Variants in SEPTIN10 observed in about 807,000 individuals in gnomAD.
The protein encoded by SEPTIN10 is septin-10.
SEPTIN10 carries 66 observed loss-of-function variants against 54.8 expected under a neutral mutation model. The observed-to-expected ratio is 1.21, with a 90% CI of 0.99 to 1.48. SEPTIN10 has a LOEUF of 1.48. SEPTIN10 is among the 40% of genes most tolerant of loss of function. SEPTIN10 has a pLI of 0.00. For synonymous variants in SEPTIN10, 161 were observed against 181.0 expected (o/e 0.89, Z 0.89); for missense variants, 620 against 545.6 (o/e 1.14, Z -1.36).
chr2:109,548,000 T>C (rs1362343039), intron 9 of SEPTIN10, among the ~76,000 whole-genome samples: 1 of 152,150 alleles, frequency 6.6e-6, no homozygotes, highest in East Asian at 1.9e-4. Context: ...TATGTCTTTT[T>C]CATTTTTATA....
rs540828228 is a variant in SEPTIN10 at position 109,581,057 on chromosome 2, G to A, written c.413+4069C>T. 2.2e-4 allele frequency among the ~76,000 whole-genome samples: 33 copies of A among 152,380 alleles called. No homozygotes were observed. In the South Asian group the frequency reaches 6.6e-3, roughly 31 times the overall value. On this transcript the variant is annotated intron_variant, in intron 4 of 10. Coordinates refer to ENST00000397712, the MANE Select transcript of SEPTIN10 (RefSeq NM_144710.5). ...ATATGCAGGACAGCAAAATACCCAT[G>A]ACTACGGCCATTTCCTATATTAGAG...
At chr2:109,570,123 G>A (rs1448902691) in intron 5 of SEPTIN10, among the ~76,000 whole-genome samples, 1 of 152,124 alleles carries the variant, frequency 6.6e-6, no homozygotes, top group African/African-American at 2.4e-5. Context: ...AAAGCTTAGG[G>A]GTTAACTTCC....
At chr2:109,545,902 C>T in intron 10 of SEPTIN10, 148 bp downstream of exon 10, 1 of 1,443,982 alleles carries the variant, frequency 6.9e-7, no homozygotes, top group Non-Finnish European at 9.2e-7. Context: ...ACAAGAGGGA[C>T]AAGGTCTCTC....
chr2:109,601,827 C>T (rs375465394), intron 1 of SEPTIN10, among the ~76,000 whole-genome samples: 8 of 151,130 alleles, frequency 5.3e-5, no homozygotes, highest in African/African-American at 1.2e-4. Flanking sequence ...TTTTCTAATA[C>T]TCTACAAGTT....
chr2:109,607,590 A>G (rs745496565), intron 1 of SEPTIN10, among the ~76,000 whole-genome samples: 10 of 152,186 alleles, frequency 6.6e-5, no homozygotes, highest in Non-Finnish European at 1.2e-4. Flanking sequence ...GGAGAACTTA[A>G]TTACCTGGGC....
At position 109,558,965 on chromosome 2, in the gene SEPTIN10, AGC is replaced by A. The variant is rs796851214; in HGVS notation, c.1028+5399_1028+5400del. ...CAGTGGTGCGATCTCAGCTCACTGC[AGC>A]CTCCACCTCCTGGGTTCAAGCAATT... On this transcript the variant is annotated intron_variant, in intron 8 of 10. Transcript: ENST00000397712. 4.0e-5 allele frequency among the ~76,000 whole-genome samples: 6 copies of A among 151,782 alleles called. 1 individual carries two copies. The highest frequency in any genetic ancestry group is 1.5e-4 in the African/African-American group (6 of 41,362).
chr2:109,601,114 G>T (rs1053077255), intron 1 of SEPTIN10, among the ~76,000 whole-genome samples: 1 of 152,120 alleles, frequency 6.6e-6, no homozygotes, highest in Non-Finnish European at 1.5e-5. Context: ...TACAGGCATG[G>T]TTGATTAACC....
At chr2:109,564,251 A>G (rs909235253) in intron 8 of SEPTIN10, 115 bp downstream of exon 8, 2 of 937,408 alleles carry the variant, frequency 2.1e-6, no homozygotes, top group Middle Eastern at 3.8e-4. Context: ...AAATGATTCT[A>G]TATCATGGTT....
At position 109,582,885 on chromosome 2, in the gene SEPTIN10, G is replaced by A. The variant is rs759923661; in HGVS notation, c.413+2241C>T. ...TAGAAATAAAGCCGCACACCTACAG[G>A]CATCTGATCTTCAACAAAGCTGACA... On this transcript the variant is annotated intron_variant, in intron 4 of 10. Coordinates refer to ENST00000397712, the MANE Select transcript of SEPTIN10 (RefSeq NM_144710.5). Among the ~76,000 whole-genome samples, 3 of 152,184 alleles carry A rather than the reference G, an allele frequency of 2.0e-5. No homozygotes were observed. In the South Asian group the frequency reaches 6.2e-4, roughly 32 times the overall value.
At chr2:109,575,279 A>G (rs931580280) in intron 4 of SEPTIN10, among the ~76,000 whole-genome samples, 2 of 152,246 alleles carry the variant, frequency 1.3e-5, no homozygotes, top group African/African-American at 4.8e-5. Context: ...TAACTAACTG[A>G]GAAAATGCAT....
At chr2:109,552,335 C>A (rs1470023854) in intron 9 of SEPTIN10, among the ~76,000 whole-genome samples, 1 of 152,180 alleles carries the variant, frequency 6.6e-6, no homozygotes, top group Non-Finnish European at 1.5e-5. Context: ...ACAGCCTTCA[C>A]AGATATCCAT....
At chr2:109,601,725 TTAAATA>T (rs1426266227) in intron 1 of SEPTIN10, among the ~76,000 whole-genome samples, 2 of 151,960 alleles carry the variant, frequency 1.3e-5, no homozygotes. Context: ...GGCTTCTTCC[TTAAATA>T]TAAAGCTCAA....
chr2:109,553,045 T>A (rs1683384643), intron 9 of SEPTIN10, 42 bp downstream of exon 9: 1 of 1,591,116 alleles, frequency 6.3e-7, no homozygotes, highest in Non-Finnish European at 8.5e-7. Context: ...TAATAGGACA[T>A]CTAAAAAATA....
intron 2 of SEPTIN10, among the ~76,000 whole-genome samples, chr2:109,588,192 A>C (rs1177227993): frequency 6.6e-6 from 1 of 152,204 alleles, no homozygotes; most frequent in Non-Finnish European, 1.5e-5. Flanking sequence ...ACTTCAGATA[A>C]ACAAAATCTG....
At chr2:109,583,933 T>G (rs1691827898) in intron 4 of SEPTIN10, among the ~76,000 whole-genome samples, 2 of 152,114 alleles carry the variant, frequency 1.3e-5, no homozygotes, top group African/African-American at 2.4e-5. Flanking sequence ...AAGTGGGATC[T>G]AAACATTGGG....
chr2:109,554,674 T>C (rs538537923), intron 8 of SEPTIN10, among the ~76,000 whole-genome samples: 1 of 152,354 alleles, frequency 6.6e-6, no homozygotes, highest in Non-Finnish European at 1.5e-5. Context: ...TTTTTTTTCT[T>C]ATCAATGTTA....
chr2:109,605,212 T>C (rs538523267), intron 1 of SEPTIN10, among the ~76,000 whole-genome samples: 42 of 152,350 alleles, frequency 2.8e-4, no homozygotes, highest in South Asian at 1.7e-3. Context: ...TTGGGCTGAA[T>C]ATAATTATAC....
At chr2:109,593,348 T>C (rs1694532741) in intron 1 of SEPTIN10, among the ~76,000 whole-genome samples, 1 of 151,716 alleles carries the variant, frequency 6.6e-6, no homozygotes, top group African/African-American at 2.4e-5. Flanking sequence ...GTAATATACT[T>C]GCACACAAAA....
At position 109,568,912 on chromosome 2, in the gene SEPTIN10, T is replaced by C. The variant is rs376959599; in HGVS notation, c.601-936A>G. ...AAAGGAATAACTTTCTCAGTATTAT[T>C]TGAAGTCCTATCACTGACAGAGGGC... On this transcript the variant is annotated intron_variant, in intron 5 of 10. Transcript: ENST00000397712. 1.6e-4 allele frequency among the ~76,000 whole-genome samples: 25 copies of C among 152,292 alleles called. 1 individual carries two copies. Among genetic ancestry groups the C allele is most frequent in the Middle Eastern group, 3.4e-3 (1 of 294 alleles).
Sources: gnomAD v4.1 joint callset for allele counts (sites outside exome capture counted in the v4.1 genomes callset) on GRCh38, gnomAD v4.1.1 for gene constraint, MANE v1.5 for transcripts, NCBI Gene and HGNC (gene_info 2026-07-23, HGNC 2026-07-21) for gene names.